NAPB: variants seen among roughly 807,000 people sequenced by gnomAD.
NAPB encodes NSF attachment protein beta, also known as beta-soluble NSF attachment protein.
In NAPB, 26 loss-of-function variants were observed where a neutral mutation model predicts 44.7. That is an observed-to-expected ratio of 0.58 (90% confidence interval 0.43 to 0.81). The LOEUF is 0.81. Among genes scored for constraint, NAPB ranks in the 30% least tolerant of loss-of-function variants. The pLI, the probability that NAPB is intolerant of heterozygous loss-of-function variation, is 0.00. For synonymous variants in NAPB, 120 were observed against 116.8 expected, an observed-to-expected ratio of 1.03 and a Z score of -0.18; for missense variants, 315 against 356.4, an observed-to-expected ratio of 0.88 and a Z score of 0.94.
intron 1 of NAPB, among the ~76,000 whole-genome samples, chr20:23,407,712 T>C (rs1985350594): frequency 6.6e-6 from 1 of 151,380 alleles, no homozygotes; most frequent in South Asian, 2.1e-4. Flanking sequence ...GGAAAGAATA[T>C]CAAGCTTCAC....
chr20:23,405,881 T>C (rs1985216970), intron 1 of NAPB, among the ~76,000 whole-genome samples: 1 of 152,172 alleles, frequency 6.6e-6, no homozygotes, highest in East Asian at 1.9e-4. Context: ...GTAGGCAAAT[T>C]TTTAGAGACA....
intron 1 of NAPB, among the ~76,000 whole-genome samples, chr20:23,411,735 C>T (rs557056779): frequency 4.6e-5 from 7 of 151,786 alleles, no homozygotes; most frequent in East Asian, 1.9e-4. Flanking sequence ...AAATAATAGG[C>T]GCCTAAGTAA....
intron 7 of NAPB, among the ~76,000 whole-genome samples, chr20:23,383,803 C>T (rs1983239042): frequency 1.3e-5 from 2 of 152,252 alleles, no homozygotes; most frequent in African/African-American, 4.8e-5. Flanking sequence ...CTTGAGTTTT[C>T]TAAATTATGT....
intron 2 of NAPB, among the ~76,000 whole-genome samples, chr20:23,401,908 G>T (rs995112155): frequency 7.7e-6 from 1 of 130,308 alleles, no homozygotes; most frequent in Non-Finnish European, 1.7e-5. Flanking sequence ...AACAAATTAA[G>T]TAAGTAAATA....
At chr20:23,377,708 A>G (rs917857389) in intron 10 of NAPB, among the ~76,000 whole-genome samples, 8 of 152,190 alleles carry the variant, frequency 5.3e-5, no homozygotes, top group African/African-American at 1.7e-4. Flanking sequence ...CCTGGGCTTG[A>G]CATTTCTCTG....
At chr20:23,383,488 G>A (rs1983210041) in intron 7 of NAPB, among the ~76,000 whole-genome samples, 1 of 152,130 alleles carries the variant, frequency 6.6e-6, no homozygotes, top group South Asian at 2.1e-4. Flanking sequence ...AGGCTGAGGT[G>A]GGTGGATCAC....
chr20:23,387,150 T>C (rs553798608), intron 7 of NAPB, among the ~76,000 whole-genome samples: 19 of 152,228 alleles, frequency 1.2e-4, no homozygotes, highest in African/African-American at 4.1e-4. Context: ...TTTATCTCAA[T>C]AGACACAGGA....
At chr20:23,416,706 C>T (rs993362132) in intron 1 of NAPB, among the ~76,000 whole-genome samples, 3 of 152,048 alleles carry the variant, frequency 2.0e-5, no homozygotes, top group African/African-American at 2.4e-5. Flanking sequence ...TGTCAGTAAA[C>T]CTGAGCCTAA....
Position 23,395,157 on chromosome 20 carries a change from G to A in NAPB, c.324C>T (p.Ile108=), listed in dbSNP as rs772509659. The A allele has an allele frequency of 9.3e-6, 15 of 1,614,042 alleles. No homozygotes were observed. The highest frequency in any genetic ancestry group is 8.9e-5 in the East Asian group (4 of 44,896). ...QEAINCLNAA[I]DIYTDMGRFT... The stretch of plus-strand genomic sequence containing the variant: ...GTCTTACCATGTCTGTGTAAATGTC[G>A]ATGGCTGCATTTAAGCAGTTGATAG... The change falls in exon 4 of 11, where the codon ATC becomes ATT. Residue 108 remains isoleucine (I), a synonymous_variant. Transcript: ENST00000377026.
chr20:23,404,877 CGTGGAGAAACCTTATATAT>C (rs1187396065), intron 1 of NAPB, among the ~76,000 whole-genome samples: 10 of 152,132 alleles, frequency 6.6e-5, no homozygotes, highest in Admixed American at 5.9e-4. Flanking sequence ...TCAGGGAAGA[CGTGGAGAAACCTTATATAT>C]GTGGAGAAAC....
At chr20:23,411,454 C>A (rs1029175819) in intron 1 of NAPB, among the ~76,000 whole-genome samples, 4 of 152,108 alleles carry the variant, frequency 2.6e-5, no homozygotes, top group Non-Finnish European at 5.9e-5. Flanking sequence ...ACCAGGCCAT[C>A]CAGCATGCAA....
chr20:23,405,033 A>G (rs1390909251), intron 1 of NAPB, among the ~76,000 whole-genome samples: 1 of 152,116 alleles, frequency 6.6e-6, no homozygotes, highest in Non-Finnish European at 1.5e-5. Context: ...CGGGGCGAGG[A>G]GGCTCACGCC....
At chr20:23,401,818 T>C (rs568195551) in intron 2 of NAPB, among the ~76,000 whole-genome samples, 3 of 152,180 alleles carry the variant, frequency 2.0e-5, no homozygotes, top group Admixed American at 2.0e-4. Context: ...GAGGCAGAGA[T>C]TGCAGTCAGT....
At chr20:23,420,536 A>G (rs1459320772) in intron 1 of NAPB, among the ~76,000 whole-genome samples, 1 of 151,726 alleles carries the variant, frequency 6.6e-6, no homozygotes, top group Non-Finnish European at 1.5e-5. Flanking sequence ...TGCGCGTTCC[A>G]GGCGCCGGGG....
chr20:23,404,930 T>G (rs1600590109), intron 1 of NAPB, among the ~76,000 whole-genome samples: 1 of 152,260 alleles, frequency 6.6e-6, no homozygotes, highest in South Asian at 2.1e-4. Flanking sequence ...GGGAGGAATA[T>G]AAAAGGGTGC....
chr20:23,381,446 T>G, intron 7 of NAPB, 129 bp from the exon 8 acceptor site: 1 of 570,212 alleles, frequency 1.8e-6, no homozygotes, highest in Non-Finnish European at 3.0e-6. Flanking sequence ...ATATATTATT[T>G]TATCCGAATA....
rs1045516543 is a variant in NAPB at position 23,421,450 on chromosome 20, C to A, written c.-48G>T. ...GCCCCCTCAGCCGGCTCGCTGTGCG[C>A]CCAGGCGCCTTAACCCTCCCTCTGG... On this transcript the variant is annotated 5_prime_UTR_variant, in exon 1 of 11. Transcript: ENST00000377026. The A allele has an allele frequency of 4.6e-6, 7 of 1,511,804 alleles. No individual in the cohort carries two copies. The highest frequency in any genetic ancestry group is 5.3e-6 in the Non-Finnish European group (6 of 1,123,204). The allele number at this position is 1,511,804 out of a possible 1,614,324, so 93.6% of individuals were successfully genotyped here.
chr20:23,380,072 T>G (rs767564849), intron 8 of NAPB, 137 bp from the exon 9 acceptor site: 2 of 598,828 alleles, frequency 3.3e-6, no homozygotes, highest in Non-Finnish European at 2.9e-6. Context: ...AAAAGCAGAA[T>G]CAACATAGAA....
chr20:23,412,737 T>C (rs1037025102), intron 1 of NAPB, among the ~76,000 whole-genome samples: 8 of 152,252 alleles, frequency 5.3e-5, no homozygotes, highest in Non-Finnish European at 8.8e-5. Context: ...CATGGGAGAT[T>C]ACAATCCCAG....
Sources: gnomAD v4.1 joint callset for allele counts (sites outside exome capture counted in the v4.1 genomes callset) on GRCh38, gnomAD v4.1.1 for gene constraint, MANE v1.5 for transcripts, NCBI Gene and HGNC (gene_info 2026-07-23, HGNC 2026-07-21) for gene names.